The following STKLD1 variants were observed in gnomAD, a reference collection of about 807,000 sequenced individuals.
The protein encoded by STKLD1 is serine/threonine kinase-like domain-containing protein STKLD1.
A neutral mutation model predicts 80.4 loss-of-function variants in STKLD1; 79 were observed. The ratio of observed to expected loss-of-function variants is 0.98; its 90% CI spans 0.82 to 1.19. The LOEUF (loss-of-function observed/expected upper bound fraction) is 1.19. Among genes scored for constraint, STKLD1 ranks in the 50% most tolerant of loss-of-function variants. STKLD1 has a pLI of 0.00. For missense variants in STKLD1, 841 were observed against 856.0 expected (o/e 0.98, Z 0.22); for synonymous variants, 393 against 357.6 (o/e 1.10, Z -1.12).
intron 12 of STKLD1, among the ~76,000 whole-genome samples, chr9:133,401,462 T>A (rs1554777649): frequency 6.6e-6 from 1 of 152,118 alleles, no homozygotes; most frequent in African/African-American, 2.4e-5. Context: ...TGTTGGAAGT[T>A]TGGAGTTCCA....
At chr9:133,388,641 G>T in intron 5 of STKLD1, 1 of 605,814 alleles carries the variant, frequency 1.7e-6, no homozygotes, top group Non-Finnish European at 2.1e-6. Context: ...TAGTGCCTTT[G>T]GAGTTTAAGA....
chr9:133,403,960 G>A lies in STKLD1; in HGVS notation c.1644G>A (p.Leu548=), dbSNP rs782633197. The A allele has an allele frequency of 6.2e-6, 10 of 1,610,768 alleles. 1 individual carries two copies. The highest frequency in any genetic ancestry group is 5.0e-5 in the Admixed American group (3 of 59,790). Residue 548 remains leucine (L), a synonymous_variant, in exon 16 of 18, where the codon CTG becomes CTA. Transcript: ENST00000371957. ...AGCAGTTTGAACAAGTGGTGGCGCT[G>A]CTCCTGCAAAGCATCCGGCTGTGCC... ...KEQQFEQVVA[L]LLQSIRLCQD... is the part of the protein sequence containing the mutation.
chr9:133,393,999 C>T, intron 7 of STKLD1: 1 of 373,992 alleles, frequency 2.7e-6, no homozygotes, highest in East Asian at 4.6e-5. Flanking sequence ...CCTTCTACAG[C>T]CATCCAGGGC....
Position 133,400,404 on chromosome 9 carries a change from C to A in STKLD1, c.1082-9C>A. 1 of 1,608,838 alleles carries A rather than the reference C, an allele frequency of 6.2e-7. No homozygotes were observed. The highest frequency in any genetic ancestry group is 8.5e-7 in the Non-Finnish European group (1 of 1,177,634). On this transcript the variant is annotated splice_polypyrimidine_tract_variant and intron_variant, in intron 11 of 17. Coordinates refer to ENST00000371957, the MANE Select transcript of STKLD1 (RefSeq NM_153710.5). ...AAATGAGTCTCCCCTGTGCCGCCCG[C>A]CCTGCCAGGTCTGCCGTGGCCCCCG...
In STKLD1 at chr9:133,394,186, CG is replaced by C. The variant is rs1413108410; in HGVS notation, c.584-99del. 3 of 755,098 alleles carry C rather than the reference CG, an allele frequency of 4.0e-6. No individual in the cohort carries two copies. Among genetic ancestry groups the C allele is most frequent in the African/African-American group, 1.7e-5 (1 of 57,960 alleles). The allele number at this position is 755,098 out of a possible 1,614,324, so 46.8% of individuals were successfully genotyped here. ...CAGGGCTTGTGTTTCAAGCTGCTTG[CG>C]GGGGGCCACCAAAGGGGATACAGTG... On this transcript the variant is annotated intron_variant, in intron 7 of 17. Coordinates refer to ENST00000371957, the MANE Select transcript of STKLD1 (RefSeq NM_153710.5). This position sits in a 1 kb window ranked among gnomAD's most constrained non-coding sequence, Gnocchi z 4.9.
At chr9:133,393,532 GATGA>G (rs1258490515) in intron 7 of STKLD1, among the ~76,000 whole-genome samples, 12 of 149,722 alleles carry the variant, frequency 8.0e-5, no homozygotes, top group Non-Finnish European at 1.5e-4. Context: ...TAGGTGTATG[GATGA>G]ATGGATGGAT....
rs1012542976 is a variant in STKLD1, at chr9:133,390,938, A to G, written c.583+142A>G. On this transcript the variant is annotated intron_variant, in intron 7 of 17. Transcript: ENST00000371957. This position sits in a 1 kb window ranked among gnomAD's most constrained non-coding sequence, Gnocchi z 5.1. Reference sequence around the variant, plus strand: ...CCCCACAAAGCCCTGGCCTTGTGTAAACTCCAAAGAGACCTCCTTTGGGTT... The same window carrying G: ...CCCCACAAAGCCCTGGCCTTGTGTAGACTCCAAAGAGACCTCCTTTGGGTT... 1.5e-6 allele frequency: 1 copy of G among 683,804 alleles called. No homozygotes were observed. Among genetic ancestry groups the G allele is most frequent in the African/African-American group, 1.8e-5 (1 of 56,110 alleles). 42.4% of individuals were successfully genotyped at this position (683,804 alleles called of 1,614,324 possible). A position where few individuals can be genotyped will look rare whatever the true frequency, so the allele number is the denominator to read the frequency against.
chr9:133,392,162 C>A (rs775953642), intron 7 of STKLD1, among the ~76,000 whole-genome samples: 9 of 151,666 alleles, frequency 5.9e-5, no homozygotes, highest in Non-Finnish European at 1.0e-4. Context: ...CTGCAAGCTC[C>A]GCCTACCGGG....
At chr9:133,395,324 G>T (rs1838531488) in intron 8 of STKLD1, among the ~76,000 whole-genome samples, 1 of 152,186 alleles carries the variant, frequency 6.6e-6, no homozygotes, top group Non-Finnish European at 1.5e-5. Context: ...TCTGTGAAAT[G>T]GGCATGCTGT....
chr9:133,388,879 T>C (rs1308113550), intron 5 of STKLD1: 1 of 985,252 alleles, frequency 1.0e-6, no homozygotes, highest in African/African-American at 1.7e-5. Flanking sequence ...TTTCAGACTT[T>C]GTGAGTGAAG....
chr9:133,395,765 T>G lies in STKLD1; in HGVS notation c.866+2T>G. Reference sequence around the variant, plus strand: ...CCCCTCGGATCGAATAACGATAAAGTGAGCTCAGGGTCGGGGTTTATTTTA... The same window carrying G: ...CCCCTCGGATCGAATAACGATAAAGGGAGCTCAGGGTCGGGGTTTATTTTA... On this transcript the variant is annotated splice_donor_variant, in intron 9 of 17. Coordinates refer to ENST00000371957, the MANE Select transcript of STKLD1 (RefSeq NM_153710.5). LOFTEE classifies it high-confidence loss of function. The G allele has an allele frequency of 1.9e-6, 3 of 1,613,168 alleles. No individual in the cohort carries two copies. Among genetic ancestry groups the G allele is most frequent in the Non-Finnish European group, 2.5e-6 (3 of 1,179,850 alleles).
intron 1 of STKLD1, among the ~76,000 whole-genome samples, chr9:133,376,974 C>T (rs1008237701): frequency 2.0e-5 from 3 of 152,078 alleles, no homozygotes; most frequent in Admixed American, 6.6e-5. Context: ...TCACAAAACA[C>T]AAAAGGAAAG....
Position 133,379,107 on chromosome 9 carries a change from G to C in STKLD1, c.159G>C (p.Lys53Asn), listed in dbSNP as rs2130259665. The C allele has an allele frequency of 6.2e-7, 1 of 1,614,020 alleles. No homozygotes were observed. Among genetic ancestry groups the C allele is most frequent in the Non-Finnish European group, 8.5e-7 (1 of 1,179,950 alleles). Reference protein sequence around the residue: ...LVVEEMETKVKHVIKQVECMD... With the variant: ...LVVEEMETKVNHVIKQVECMD... ...TGGAGGAAATGGAAACCAAAGTCAA[G>C]CATGTGATAAAGCAGGTAAGAGGCC... The change falls in exon 2 of 18, where the codon AAG becomes AAC. Residue 53 changes from lysine to asparagine, a missense_variant. Transcript: ENST00000371957.
At chr9:133,392,074 CTTTTT>C (rs869053878) in intron 7 of STKLD1, among the ~76,000 whole-genome samples, 1 of 132,778 alleles carries the variant, frequency 7.5e-6, no homozygotes, top group Non-Finnish European at 1.6e-5. Context: ...GCACTCTGTC[CTTTTT>C]TTTTTTTTTT....
Position 133,389,098 on chromosome 9 carries a change from A to G in STKLD1, c.397-428A>G. ...CTTGTCTCTGATGCAGAACACTCCTAGCATTCTCTCTCAGGGCTCTTTTCA... is the reference window on the plus strand; with the variant it reads ...CTTGTCTCTGATGCAGAACACTCCTGGCATTCTCTCTCAGGGCTCTTTTCA... On this transcript the variant is annotated intron_variant, in intron 5 of 17. Transcript: ENST00000371957. This position sits in a 1 kb window ranked among gnomAD's most constrained non-coding sequence, Gnocchi z 6.4. 1.0e-6 allele frequency: 1 copy of G among 985,362 alleles called. No homozygotes were observed. The highest frequency in any genetic ancestry group is 1.2e-6 in the Non-Finnish European group (1 of 829,890). 61.0% of individuals were successfully genotyped at this position (985,362 alleles called of 1,614,324 possible).
intron 9 of STKLD1, 137 bp from the exon 10 acceptor site, chr9:133,397,027 T>C (rs927050905): frequency 1.5e-6 from 2 of 1,304,252 alleles, no homozygotes; most frequent in Non-Finnish European, 2.1e-6. Context: ...CCCTGCCAAA[T>C]GAATCCCAAA....
intron 2 of STKLD1, among the ~76,000 whole-genome samples, chr9:133,380,003 C>T (rs1049648801): frequency 2.6e-5 from 4 of 152,144 alleles, no homozygotes; most frequent in African/African-American, 7.2e-5. Context: ...GCCACTGGGG[C>T]AGTGTGGCTG....
chr9:133,386,902 C>T (rs988172557), intron 4 of STKLD1, among the ~76,000 whole-genome samples: 3 of 152,258 alleles, frequency 2.0e-5, no homozygotes, highest in African/African-American at 7.2e-5. Flanking sequence ...CTCACACGCT[C>T]CCTCTGCTCC....
chr9:133,387,060 T>TG (rs1428991899), intron 4 of STKLD1, among the ~76,000 whole-genome samples: 3 of 152,180 alleles, frequency 2.0e-5, no homozygotes, highest in African/African-American at 4.8e-5. Context: ...CCTGGTCTGC[T>TG]GGGGCTCTGG....
Sources: gnomAD v4.1 joint callset for allele counts (sites outside exome capture counted in the v4.1 genomes callset) on GRCh38, gnomAD v4.1.1 for gene constraint, Gnocchi (gnomAD v3.1) non-coding constraint, MANE v1.5 for transcripts, NCBI Gene and HGNC (gene_info 2026-07-23, HGNC 2026-07-21) for gene names.